MXRA7: variants seen among roughly 807,000 people sequenced by gnomAD.
The protein encoded by MXRA7 is matrix-remodeling-associated protein 7.
A neutral mutation model predicts 17.4 loss-of-function variants in MXRA7; 18 were observed. The observed-to-expected ratio is 1.03, with a 90% CI of 0.71 to 1.53. The LOEUF (loss-of-function observed/expected upper bound fraction) is 1.53, where lower values mean the gene tolerates loss of function less well. MXRA7 is among the 40% of genes most tolerant of loss of function. The pLI is 0.00. For missense variants in MXRA7, 141 were observed against 209.3 expected (o/e 0.67, Z 2.01); for synonymous variants, 70 against 101.7 (o/e 0.69, Z 1.87).
At chr17:76,693,017 GA>G (rs67630436) in intron 1 of MXRA7, among the ~76,000 whole-genome samples, 48,407 of 151,964 alleles carry the variant, frequency 0.32, 8,160 homozygotes, top group Non-Finnish European at 0.38. Flanking sequence ...GAATTAAAAT[GA>G]AAAAATCTAG....
At chr17:76,696,982 T>A (rs945141863) in intron 1 of MXRA7, among the ~76,000 whole-genome samples, 6 of 152,144 alleles carry the variant, frequency 3.9e-5, no homozygotes, top group African/African-American at 1.4e-4. Context: ...AAGGCCATCA[T>A]CACCGCGGAG....
chr17:76,680,520 T>G lies in MXRA7; in HGVS notation c.*347A>C. 9.5e-7 allele frequency: 1 copy of G among 1,047,912 alleles called. No homozygotes were observed. The highest frequency in any genetic ancestry group is 4.3e-5 in the South Asian group (1 of 23,266). The allele number at this position is 1,047,912 out of a possible 1,614,324, so 64.9% of individuals were successfully genotyped here. A position where few individuals can be genotyped will look rare whatever the true frequency, so the allele number is the denominator to read the frequency against. ...GTGAAAGTGAACTCTGCTTTTAAAA[T>G]GTTCTTTTTATCTAAGGTGTGCAGG... On this transcript the variant is annotated 3_prime_UTR_variant, in exon 4 of 4. Coordinates refer to ENST00000449428, the MANE Select transcript of MXRA7 (RefSeq NM_198530.4).
At chr17:76,703,370 C>T (rs1389649314) in intron 1 of MXRA7, among the ~76,000 whole-genome samples, 1 of 152,060 alleles carries the variant, frequency 6.6e-6, no homozygotes, top group African/African-American at 2.4e-5. Context: ...ACCTGTAATC[C>T]CAGCATTTTG....
chr17:76,696,493 C>T (rs1325465820), intron 1 of MXRA7, among the ~76,000 whole-genome samples: 2 of 151,738 alleles, frequency 1.3e-5, no homozygotes, highest in African/African-American at 4.9e-5. Context: ...TGTACTCCAA[C>T]TGAGTGACAG....
At position 76,681,056 on chromosome 17, in the gene MXRA7, C is replaced by T. The variant is rs565896843; in HGVS notation, c.501-177G>A. 4.6e-5 allele frequency among the ~76,000 whole-genome samples: 7 copies of T among 152,330 alleles called. No homozygotes were observed. The highest frequency in any genetic ancestry group is 7.3e-5 in the Non-Finnish European group (5 of 68,034). ...TTGCTTCTCATCGCTTGCAGCAAGA[C>T]AGTCTGTGCCGCCAAGCCGGCCAGA... On this transcript the variant is annotated intron_variant, in intron 3 of 3. Transcript: ENST00000449428. The surrounding 1 kb of genome is among the most constrained non-coding windows in gnomAD (Gnocchi z 4.7).
intron 1 of MXRA7, among the ~76,000 whole-genome samples, chr17:76,698,934 T>C (rs1451841185): frequency 6.6e-6 from 1 of 152,076 alleles, no homozygotes; most frequent in Non-Finnish European, 1.5e-5. Flanking sequence ...TTGGCCAGGC[T>C]GGTCTTGAAC....
chr17:76,694,891 C>G (rs2076516947), intron 1 of MXRA7, among the ~76,000 whole-genome samples: 1 of 151,502 alleles, frequency 6.6e-6, no homozygotes, highest in African/African-American at 2.4e-5. Flanking sequence ...TAACGGGGGC[C>G]GGGGGCCTGT....
At chr17:76,703,620 G>GTT (rs1567989228) in intron 1 of MXRA7, 3 of 116,630 alleles carry the variant, frequency 2.6e-5, no homozygotes, top group Non-Finnish European at 3.8e-5. Flanking sequence ...ACTCTGTTTT[G>GTT]TTTTTTGTTT....
intron 2 of MXRA7, among the ~76,000 whole-genome samples, 199 bp downstream of exon 2, chr17:76,687,913 AT>A (rs1183102452): frequency 2.6e-5 from 4 of 152,114 alleles, no homozygotes; most frequent in Admixed American, 1.3e-4. Context: ...CCAAAGTGCA[AT>A]GGGGGTGAGG....
intron 1 of MXRA7, chr17:76,688,424 G>T (rs1365157662): frequency 2.8e-5 from 39 of 1,373,458 alleles, no homozygotes; most frequent in Non-Finnish European, 3.6e-5. Context: ...CAAGCCCTCG[G>T]CCTTGGCCTT....
chr17:76,679,330 CAGAA>C (rs982552880), downstream of MXRA7, among the ~76,000 whole-genome samples: 2 of 149,932 alleles, frequency 1.3e-5, no homozygotes, highest in Admixed American at 6.7e-5. Context: ...TTCCCGTGAA[CAGAA>C]AGGATGTGCT....
At chr17:76,704,242 G>T (rs2076628514) in intron 1 of MXRA7, among the ~76,000 whole-genome samples, 2 of 98,562 alleles carry the variant, frequency 2.0e-5, no homozygotes, top group South Asian at 3.7e-4. Context: ...GTCTCACTCT[G>T]TCGCCCAGGC....
In MXRA7 at chr17:76,680,143, A is replaced by C. The variant is rs1235188942; in HGVS notation, c.*724T>G. 4.3e-5 allele frequency: 36 copies of C among 844,192 alleles called. No homozygotes were observed. The highest frequency in any genetic ancestry group is 5.0e-5 in the Non-Finnish European group (35 of 703,018). The allele number at this position is 844,192 out of a possible 1,614,324, so 52.3% of individuals were successfully genotyped here. A position where few individuals can be genotyped will look rare whatever the true frequency, so the allele number is the denominator to read the frequency against. ...AGGTCAAGAAATCTTTTTAAAGCAA[A>C]CATTATTGCTTCTGCTATAGCAGAG... On this transcript the variant is annotated 3_prime_UTR_variant, in exon 4 of 4. Coordinates refer to ENST00000449428, the MANE Select transcript of MXRA7 (RefSeq NM_198530.4).
Position 76,710,653 on chromosome 17 carries a change from G to A in MXRA7, c.294C>T (p.Pro98=), listed in dbSNP as rs886617852. 1.0e-4 allele frequency: 144 copies of A among 1,376,078 alleles called. No homozygotes were observed. In the African/African-American group the frequency reaches 2.0e-3, roughly 19 times the overall value. The allele number at this position is 1,376,078 out of a possible 1,614,324, so 85.2% of individuals were successfully genotyped here. Residue 98 remains proline, a synonymous_variant, in exon 1 of 4, where the codon CCC becomes CCT. Coordinates refer to ENST00000449428, the MANE Select transcript of MXRA7 (RefSeq NM_198530.4). ...CCTCCGCCTCCGCTGGCGCCGCCGCGGGATCCCCTGGCCCTTCGGGCTCCC... is the reference window on the plus strand; with the variant it reads ...CCTCCGCCTCCGCTGGCGCCGCCGCAGGATCCCCTGGCCCTTCGGGCTCCC... ...GPGEPEGPGD[P]AAAPAEAEEQ...
At chr17:76,705,632 G>A (rs2076646871) in intron 1 of MXRA7, among the ~76,000 whole-genome samples, 1 of 152,120 alleles carries the variant, frequency 6.6e-6, no homozygotes. Context: ...CACGATGGTG[G>A]AGTCCCTACA....
intron 1 of MXRA7, among the ~76,000 whole-genome samples, chr17:76,704,507 CTT>C (rs768459212): frequency 2.1e-5 from 3 of 140,338 alleles, no homozygotes; most frequent in Non-Finnish European, 1.6e-5. Context: ...GCCCGGCCAG[CTT>C]TTTTTTTTTT....
At chr17:76,677,640 C>T (rs2143555082), downstream of MXRA7, 3 of 1,613,814 alleles carry the variant, frequency 1.9e-6, no homozygotes, top group Non-Finnish European at 2.5e-6. Context: ...GGACATCTCG[C>T]CAAACGTCTC....
chr17:76,710,072 G>C (rs1013140373), intron 1 of MXRA7: 1 of 152,284 alleles, frequency 6.6e-6, no homozygotes, highest in African/African-American at 2.4e-5. Context: ...CAGCCCACGG[G>C]CTTCACAAAA....
chr17:76,688,386 G>A (rs1049099675), intron 1 of MXRA7: 40 of 1,431,944 alleles, frequency 2.8e-5, no homozygotes, highest in Non-Finnish European at 4.6e-6. Context: ...CAAATGCTGA[G>A]CTGAGGCGTG....
Sources: gnomAD v4.1 joint callset for allele counts (sites outside exome capture counted in the v4.1 genomes callset) on GRCh38, gnomAD v4.1.1 for gene constraint, Gnocchi (gnomAD v3.1) non-coding constraint, MANE v1.5 for transcripts, NCBI Gene and HGNC (gene_info 2026-07-23, HGNC 2026-07-21) for gene names.